The following SLC24A3 variants were observed in gnomAD, a reference collection of about 807,000 sequenced individuals.
The protein encoded by SLC24A3 is solute carrier family 24 member 3, also known as sodium/potassium/calcium exchanger 3.
SLC24A3 carries 28 observed loss-of-function variants against 75.8 expected under a neutral mutation model. That is an observed-to-expected ratio of 0.37 (90% CI 0.27 to 0.51). SLC24A3 has a LOEUF of 0.51. Among genes scored for constraint, SLC24A3 ranks in the 20% least tolerant of loss-of-function variants. SLC24A3 has a pLI of 0.94. For missense variants in SLC24A3, 663 were observed against 847.8 expected (o/e 0.78, Z 2.71); for synonymous variants, 372 against 334.1 (o/e 1.11, Z -1.24).
chr20:19,264,918 A>G (rs1466278570), intron 1 of SLC24A3, among the ~76,000 whole-genome samples: 7 of 151,994 alleles, frequency 4.6e-5, no homozygotes, highest in Non-Finnish European at 1.0e-4. Flanking sequence ...AGTGGCAGCA[A>G]CCTTTGTAAT....
intron 3 of SLC24A3, among the ~76,000 whole-genome samples, chr20:19,538,978 A>G (rs1015988055): frequency 6.6e-6 from 1 of 152,210 alleles, no homozygotes; most frequent in African/African-American, 2.4e-5. Flanking sequence ...GAATCCATGA[A>G]CACAATATTG....
intron 12 of SLC24A3, among the ~76,000 whole-genome samples, chr20:19,687,299 T>C (rs1474000638): frequency 6.6e-6 from 1 of 152,156 alleles, no homozygotes; most frequent in African/African-American, 2.4e-5. Context: ...TGTGTGGAGC[T>C]CTTCCCGCCA....
At chr20:19,355,926 A>G (rs1985673122) in intron 2 of SLC24A3, among the ~76,000 whole-genome samples, 1 of 152,196 alleles carries the variant, frequency 6.6e-6, no homozygotes, top group Non-Finnish European at 1.5e-5. Flanking sequence ...GAACTGCTAC[A>G]TTTGGGTTAG....
intron 6 of SLC24A3, among the ~76,000 whole-genome samples, chr20:19,607,555 C>T (rs561086398): frequency 3.3e-5 from 5 of 152,352 alleles, no homozygotes; most frequent in African/African-American, 1.2e-4. Flanking sequence ...TCTTCTGGTA[C>T]ATTGGGTGCA....
At chr20:19,370,254 G>C (rs1257763118) in intron 2 of SLC24A3, among the ~76,000 whole-genome samples, 1 of 152,158 alleles carries the variant, frequency 6.6e-6, no homozygotes, top group Non-Finnish European at 1.5e-5. Context: ...ACTACTTTCT[G>C]CTCACACATC....
At chr20:19,409,659 A>T (rs576127366) in intron 2 of SLC24A3, among the ~76,000 whole-genome samples, 1 of 152,304 alleles carries the variant, frequency 6.6e-6, no homozygotes, top group East Asian at 1.9e-4. Context: ...ATTATGATAG[A>T]CTTGAAGTAT....
At chr20:19,673,680 C>A in intron 9 of SLC24A3, 26 bp downstream of exon 9, 1 of 1,590,636 alleles carries the variant, frequency 6.3e-7, no homozygotes. Flanking sequence ...CATTTCTTAT[C>A]CAAAACTGTT....
chr20:19,397,961 C>G (rs1450054813), intron 2 of SLC24A3, among the ~76,000 whole-genome samples: 1 of 152,044 alleles, frequency 6.6e-6, no homozygotes, highest in Non-Finnish European at 1.5e-5. Context: ...AAAATCAACA[C>G]CATTTTCTTA....
At chr20:19,405,339 A>G (rs1285688370) in intron 2 of SLC24A3, among the ~76,000 whole-genome samples, 1 of 152,210 alleles carries the variant, frequency 6.6e-6, no homozygotes, top group Non-Finnish European at 1.5e-5. Context: ...AGGAACCACT[A>G]GCACATCACT....
At chr20:19,305,063 A>T (rs766253022) in intron 2 of SLC24A3, among the ~76,000 whole-genome samples, 1 of 152,062 alleles carries the variant, frequency 6.6e-6, no homozygotes, top group Non-Finnish European at 1.5e-5. Flanking sequence ...TGAAGGATCA[A>T]CTCTGCCATG....
chr20:19,719,712 G>A (rs1000983554), intron 16 of SLC24A3, among the ~76,000 whole-genome samples: 1 of 152,296 alleles, frequency 6.6e-6, no homozygotes. Flanking sequence ...ATGGCTGACC[G>A]ATTTCCTCCA....
intron 2 of SLC24A3, among the ~76,000 whole-genome samples, chr20:19,462,264 G>T (rs187529701): frequency 5.5e-5 from 8 of 144,442 alleles, no homozygotes; most frequent in African/African-American, 2.0e-4. Context: ...GGCAGATGGC[G>T]GGTGGCTTTC....
intron 2 of SLC24A3, among the ~76,000 whole-genome samples, chr20:19,486,551 C>A (rs535023822): frequency 6.6e-6 from 1 of 152,304 alleles, no homozygotes; most frequent in East Asian, 1.9e-4. Flanking sequence ...GTTTGGGGGC[C>A]ATGGCCCCAC....
At chr20:19,273,246 G>A (rs978121854) in intron 1 of SLC24A3, among the ~76,000 whole-genome samples, 12 of 152,200 alleles carry the variant, frequency 7.9e-5, no homozygotes, top group Non-Finnish European at 1.2e-4. Flanking sequence ...TGTCGGACAG[G>A]AAGGCAAAGG....
chr20:19,235,780 T>C (rs562548664), intron 1 of SLC24A3, among the ~76,000 whole-genome samples: 1 of 152,284 alleles, frequency 6.6e-6, no homozygotes, highest in South Asian at 2.1e-4. Context: ...CATTCATATG[T>C]CCCAGTTTCT....
intron 1 of SLC24A3, chr20:19,213,618 G>A (rs1568559273): frequency 6.6e-6 from 1 of 152,360 alleles, no homozygotes. Context: ...GGTCCCTTTT[G>A]CAGAGCTGCT....
chr20:19,685,889 G>T (rs979556705), intron 12 of SLC24A3, among the ~76,000 whole-genome samples: 2 of 152,134 alleles, frequency 1.3e-5, no homozygotes, highest in African/African-American at 4.8e-5. Flanking sequence ...ATGAAGGAGA[G>T]ATCTGACTCC....
intron 10 of SLC24A3, among the ~76,000 whole-genome samples, chr20:19,682,627 C>T (rs1439527412): frequency 6.6e-6 from 1 of 152,188 alleles, no homozygotes; most frequent in Admixed American, 6.5e-5. Context: ...CCTCTTGAGC[C>T]TCAGTTTTCT....
chr20:19,619,873 G>A (rs2031781882), intron 6 of SLC24A3, among the ~76,000 whole-genome samples: 1 of 152,198 alleles, frequency 6.6e-6, no homozygotes, highest in South Asian at 2.1e-4. Flanking sequence ...GATGTGTACA[G>A]ATTAAACTAT....
Sources: allele counts gnomAD v4.1 joint callset (sites outside exome capture counted in the v4.1 genomes callset), GRCh38; gene constraint gnomAD v4.1.1; transcripts MANE v1.5; gene names NCBI Gene and HGNC (gene_info 2026-07-23, HGNC 2026-07-21).